The following USP2 variants were observed in gnomAD, a reference collection of about 807,000 sequenced individuals.
The protein encoded by USP2 is ubiquitin carboxyl-terminal hydrolase 2.
Under a neutral mutation model 72.0 loss-of-function variants are expected in USP2, and 33 were observed. The ratio of observed to expected loss-of-function variants is 0.46; its 90% CI spans 0.35 to 0.61. The LOEUF is 0.61. USP2 is among the 20% of genes least tolerant of loss of function. The pLI, the probability that USP2 is intolerant of heterozygous loss-of-function variation, is 0.01. For synonymous variants in USP2, 296 were observed against 312.5 expected, an observed-to-expected ratio of 0.95 and a Z score of 0.56; for missense variants, 691 against 797.8, an observed-to-expected ratio of 0.87 and a Z score of 1.61.
intron 2 of USP2, among the ~76,000 whole-genome samples, chr11:119,366,502 C>T (rs1010342654): frequency 6.6e-6 from 1 of 152,084 alleles, no homozygotes. Context: ...ATATGTTTAT[C>T]TTTGCTTTAT....
intron 2 of USP2, among the ~76,000 whole-genome samples, chr11:119,371,497 A>C (rs1217077135): frequency 1.3e-5 from 2 of 152,072 alleles, no homozygotes; most frequent in African/African-American, 4.8e-5. Context: ...CAGCGTTTCT[A>C]TCTCCTGTGC....
rs1304415424 is a variant in USP2 at position 119,358,072 on chromosome 11, G to GA, written c.1342-12dup. 5 of 1,614,148 alleles carry GA rather than the reference G, an allele frequency of 3.1e-6. No individual in the cohort carries two copies. The highest frequency in any genetic ancestry group is 1.3e-5 in the African/African-American group (1 of 75,042). On this transcript the variant is annotated splice_polypyrimidine_tract_variant and intron_variant, in intron 8 of 12. Coordinates refer to ENST00000260187, the MANE Select transcript of USP2 (RefSeq NM_004205.5). Reference sequence around the variant, plus strand: ...CTCAGGATAACCTCGCTGGGAAGGGGAAAAAAGCAAAGGTCAGAGGTCAAC... The same window carrying GA: ...CTCAGGATAACCTCGCTGGGAAGGGGAAAAAAAGCAAAGGTCAGAGGTCAAC...
At chr11:119,357,048 G>A in intron 12 of USP2, 126 bp from the exon 13 acceptor site, 1 of 1,351,936 alleles carries the variant, frequency 7.4e-7, no homozygotes, top group Non-Finnish European at 9.9e-7. Context: ...CAGCGGCTTC[G>A]TGGCCTTAAA....
At chr11:119,379,853 G>C (rs973669231) in intron 1 of USP2, among the ~76,000 whole-genome samples, 1 of 150,834 alleles carries the variant, frequency 6.6e-6, no homozygotes, top group Non-Finnish European at 1.5e-5. Context: ...TAATAATAGC[G>C]CCTTACCAGG....
At chr11:119,361,262 G>A (rs1295124313) in intron 2 of USP2, among the ~76,000 whole-genome samples, 1 of 152,250 alleles carries the variant, frequency 6.6e-6, no homozygotes, top group African/African-American at 2.4e-5. Context: ...CTTGCTGTTG[G>A]CCCTATAGCG....
rs1195344698 is a variant in USP2, at chr11:119,358,811, C to T, written c.1199G>A (p.Trp400Ter). 1 of 1,614,104 alleles carries T rather than the reference C, an allele frequency of 6.2e-7. No homozygotes were observed. The highest frequency in any genetic ancestry group is 8.5e-7 in the Non-Finnish European group (1 of 1,180,046). The change falls in exon 7 of 13, where the codon TGG becomes TAG. Residue 400 changes from tryptophan to a stop codon, truncating the protein, a stop_gained. Coordinates refer to ENST00000260187, the MANE Select transcript of USP2 (RefSeq NM_004205.5). LOFTEE classifies it high-confidence loss of function. ...GTCTTCCCGTTCTAGATATTTTCTC[C>T]ACATCTGTCGGCCTTTCTCGTCATC... ...LPDDEKGRQM[W>*]RKYLEREDSR...
chr11:119,367,248 C>T (rs1368578426), intron 2 of USP2, among the ~76,000 whole-genome samples: 1 of 152,186 alleles, frequency 6.6e-6, no homozygotes, highest in Non-Finnish European at 1.5e-5. Context: ...TCCTCAGAAC[C>T]TGGGCTTGGC....
chr11:119,373,191 C>T lies in USP2; in HGVS notation c.290G>A (p.Arg97Gln), dbSNP rs189972810. ...GGGKRAESQT[R>Q]GTERPLGSGL... Reference sequence around the variant, plus strand: ...ACTGCCTAAAGGCCGCTCAGTACCCCGGGTCTGGCTCTCTGCCCGCTTACC... The same window carrying T: ...ACTGCCTAAAGGCCGCTCAGTACCCTGGGTCTGGCTCTCTGCCCGCTTACC... The change falls in exon 2 of 13, where the codon CGG (arginine) becomes CAG (glutamine). Residue 97 changes from arginine to glutamine, a missense_variant. Physicochemically the swap from Arg to Gln is conservative, Grantham distance 43. Transcript: ENST00000260187. 26 of 1,614,030 alleles carry T rather than the reference C, an allele frequency of 1.6e-5. No homozygotes were observed. The South Asian group carries it at 1.8e-4, about 11-fold the overall frequency.
Position 119,357,817 on chromosome 11 carries a change from C to G in USP2, c.1441G>C (p.Gly481Arg), listed in dbSNP as rs769475367. 1 of 1,613,854 alleles carries G rather than the reference C, an allele frequency of 6.2e-7. No individual in the cohort carries two copies. Among genetic ancestry groups the G allele is most frequent in the South Asian group, 1.1e-5 (1 of 91,064 alleles). The change falls in exon 10 of 13, where the codon GGC becomes CGC. Residue 481 changes from glycine to arginine, a missense_variant. By Grantham distance (125) the Gly-to-Arg change is moderately radical. Transcript: ENST00000260187. ...DEKPTCCRCR[G>R]RKRCIKKFSI... ...AACTTCTTTATACACCGTTTTCTGC[C>G]TCGGCAGCGACAGCATGTCTGAGAG... is the stretch of plus-strand genomic sequence containing the variant.
intron 2 of USP2, chr11:119,364,303 G>C: frequency 1.9e-6 from 1 of 524,532 alleles, no homozygotes. Flanking sequence ...CCCGCCCCCG[G>C]CGCCGGCACG....
intron 1 of USP2, among the ~76,000 whole-genome samples, chr11:119,378,387 C>T (rs1188385374): frequency 6.6e-6 from 1 of 152,096 alleles, no homozygotes; most frequent in East Asian, 1.9e-4. Flanking sequence ...CCTCTCAGGC[C>T]CCAGGGCCTG....
intron 2 of USP2, among the ~76,000 whole-genome samples, chr11:119,361,619 G>A (rs1950766680): frequency 6.6e-6 from 1 of 151,890 alleles, no homozygotes; most frequent in African/African-American, 2.4e-5. Flanking sequence ...TGGGGGGGAG[G>A]GGTGTGGGTG....
chr11:119,364,637 A>G lies in USP2; in HGVS notation c.775-4403T>C, dbSNP rs542698389. On this transcript the variant is annotated intron_variant, in intron 2 of 12. Coordinates refer to ENST00000260187, the MANE Select transcript of USP2 (RefSeq NM_004205.5). ...TCTCTCTTCAGGGCGAAATACGTATATGCACAAACTTTTGTCTAGAGTTCC... is the reference window on the plus strand; with the variant it reads ...TCTCTCTTCAGGGCGAAATACGTATGTGCACAAACTTTTGTCTAGAGTTCC... Among the ~76,000 whole-genome samples, 5 of 152,334 alleles carry G rather than the reference A, an allele frequency of 3.3e-5. No homozygotes were observed. In the South Asian group the frequency reaches 1.0e-3, roughly 32 times the overall value.
intron 2 of USP2, among the ~76,000 whole-genome samples, chr11:119,371,323 CGAGTCCAAGT>C (rs1471006837): frequency 6.6e-6 from 1 of 152,108 alleles, no homozygotes; most frequent in Non-Finnish European, 1.5e-5. Flanking sequence ...CAGCACCAGC[CGAGTCCAAGT>C]GAGTCCTGCT....
chr11:119,356,527 T>C lies in USP2; in HGVS notation c.*308A>G, dbSNP rs965510702. 1.4e-5 allele frequency: 4 copies of C among 289,024 alleles called. No homozygotes were observed. In the East Asian group the frequency reaches 2.3e-4, roughly 17 times the overall value. 17.9% of individuals were successfully genotyped at this position (289,024 alleles called of 1,614,324 possible). On this transcript the variant is annotated 3_prime_UTR_variant, in exon 13 of 13. Transcript: ENST00000260187. ...GGCGGGAAGCGGCGCAGCGAGGGTC[T>C]TCCCCCCCAAGACACAGTTGTTTCT...
chr11:119,370,479 A>G (rs1950911904), intron 2 of USP2, among the ~76,000 whole-genome samples: 1 of 152,248 alleles, frequency 6.6e-6, no homozygotes, highest in South Asian at 2.1e-4. Context: ...TGAGTGCCTC[A>G]GAAGGCAAGA....
intron 9 of USP2, 35 bp downstream of exon 9, chr11:119,357,946 A>T (rs762570248): frequency 1.2e-6 from 2 of 1,613,948 alleles, no homozygotes; most frequent in East Asian, 2.2e-5. Context: ...GGTCCCACGG[A>T]AATTTGTTCT....
chr11:119,373,281 C>T lies in USP2; in HGVS notation c.200G>A (p.Gly67Asp), dbSNP rs1365961990. 6.2e-7 allele frequency: 1 copy of T among 1,613,850 alleles called. No individual in the cohort carries two copies. Among genetic ancestry groups the T allele is most frequent in the Admixed American group, 1.7e-5 (1 of 60,016 alleles). The change falls in exon 2 of 13, where the codon GGC becomes GAC. Residue 67 changes from glycine (G) to aspartate (D), a missense_variant. By Grantham distance (94) the Gly-to-Asp change is moderately conservative (BLOSUM62 -1). Coordinates refer to ENST00000260187, the MANE Select transcript of USP2 (RefSeq NM_004205.5). The stretch of plus-strand genomic sequence containing the variant: ...GTCATAGTCCAGGAGGGAGGAGGGG[C>T]CATAGGTACGGGGACGGGTGAGGAA... ...SSFLTRPRTYGPSSLLDYDRG... is the reference protein window; with the variant it reads ...SSFLTRPRTYDPSSLLDYDRG...
intron 7 of USP2, 109 bp downstream of exon 7, chr11:119,358,664 T>C (rs7937208): frequency 0.74 from 966,303 of 1,306,722 alleles, 359,264 homozygotes; most frequent in East Asian, 0.88. Context: ...TGTTGAACAC[T>C]AGGCAGAAAC....
Sources: gnomAD v4.1 joint callset for allele counts (sites outside exome capture counted in the v4.1 genomes callset) on GRCh38, gnomAD v4.1.1 for gene constraint, MANE v1.5 for transcripts, NCBI Gene and HGNC (gene_info 2026-07-23, HGNC 2026-07-21) for gene names.